LINC00632: variants seen among roughly 807,000 people sequenced by gnomAD.
The protein encoded by LINC00632 is ALDOA related specific transcript.
At chrX:140,726,618 A>G (rs145723895) in intron 2 of LINC00632, among the ~76,000 whole-genome samples, 218 of 111,637 alleles carry the variant, frequency 2.0e-3, no homozygotes, top group Non-Finnish European at 3.7e-3. Flanking sequence ...TGCCTAAGCA[A>G]TGCACAGAAT....
intron 3 of LINC00632, among the ~76,000 whole-genome samples, chrX:140,751,644 G>A (rs5907051): frequency 0.48 from 53,128 of 110,162 alleles, 9,517 homozygotes; most frequent in Middle Eastern, 0.55. Flanking sequence ...AGGGCCTCCT[G>A]AAGAGATTAA....
At chrX:140,728,931 C>T (rs959512332) in intron 2 of LINC00632, among the ~76,000 whole-genome samples, 5 of 110,863 alleles carry the variant, frequency 4.5e-5, no homozygotes, top group Non-Finnish European at 7.5e-5. Flanking sequence ...TAAAAATGTA[C>T]GTGACAATTC....
At chrX:140,788,841 A>ATC (rs1932061297) in exon 5 of LINC00632, among the ~76,000 whole-genome samples, 2 of 102,336 alleles carry the variant, frequency 2.0e-5, no homozygotes, top group Admixed American at 1.1e-4. Context: ...ACATATATGT[A>ATC]TATATGTATA....
At chrX:140,750,604 A>G in intron 3 of LINC00632, among the ~76,000 whole-genome samples, 1 of 111,200 alleles carries the variant, frequency 9.0e-6, no homozygotes, top group Admixed American at 9.6e-5. Context: ...ATTTTTAAAA[A>G]CCATGTCTAT....
chrX:140,731,845 C>A (rs780101538), intron 2 of LINC00632, among the ~76,000 whole-genome samples: 1 of 111,198 alleles, frequency 9.0e-6, no homozygotes, highest in East Asian at 2.8e-4. Context: ...ATATGTACAC[C>A]TAGACATGGC....
chrX:140,752,123 A>C (rs1014247202), intron 3 of LINC00632, among the ~76,000 whole-genome samples: 10 of 111,529 alleles, frequency 9.0e-5, no homozygotes, highest in African/African-American at 3.3e-4. Flanking sequence ...GCTTTTCCTC[A>C]ATTGGGCTGT....
chrX:140,736,690 C>G (rs1298611500), intron 3 of LINC00632, among the ~76,000 whole-genome samples: 2 of 108,870 alleles, frequency 1.8e-5, no homozygotes, highest in African/African-American at 6.7e-5. Flanking sequence ...CCATCTAGGC[C>G]TCCCAAAGTG....
chrX:140,771,978 C>G (rs942178302), intron 3 of LINC00632: 2 of 216,885 alleles, frequency 9.2e-6, no homozygotes, highest in Middle Eastern at 1.4e-3. Context: ...CCATGCCCGG[C>G]CCTGGCATAT....
chrX:140,787,631 C>CA (rs1932036931), exon 5 of LINC00632, among the ~76,000 whole-genome samples: 1 of 110,812 alleles, frequency 9.0e-6, no homozygotes, highest in South Asian at 3.7e-4. Flanking sequence ...TTCATCACAG[C>CA]AAAAAAATTA....
At chrX:140,752,671 A>G (rs1362558927) in intron 3 of LINC00632, among the ~76,000 whole-genome samples, 3 of 112,237 alleles carry the variant, frequency 2.7e-5, no homozygotes, top group African/African-American at 6.5e-5. Flanking sequence ...TAAAGAGAAA[A>G]CACTCTTGCT....
chrX:140,785,986 G>A (rs1275530434), exon 5 of LINC00632, among the ~76,000 whole-genome samples: 1 of 111,509 alleles, frequency 9.0e-6, no homozygotes, highest in South Asian at 3.8e-4. Flanking sequence ...ATCCCAGCAT[G>A]CTGATCTGGA....
At chrX:140,784,259 G>C (rs1931982747) in exon 5 of LINC00632, 16 of 1,205,130 alleles carry the variant, frequency 1.3e-5, no homozygotes, top group Non-Finnish European at 1.7e-5. Flanking sequence ...GCCTACTTGT[G>C]TCTTCCAACA....
At chrX:140,724,016 CACAG>C (rs774255203) in intron 2 of LINC00632, among the ~76,000 whole-genome samples, 5 of 55,864 alleles carry the variant, frequency 9.0e-5, no homozygotes, top group Admixed American at 2.3e-4. Context: ...CATACACACA[CACAG>C]ACACACATTC....
At chrX:140,757,821 C>T (rs1931520530) in intron 3 of LINC00632, among the ~76,000 whole-genome samples, 1 of 111,477 alleles carries the variant, frequency 9.0e-6, no homozygotes, top group African/African-American at 3.3e-5. Flanking sequence ...CCCATCTCGG[C>T]CTCCCAAAGT....
At chrX:140,759,236 A>G (rs887951880) in intron 3 of LINC00632, among the ~76,000 whole-genome samples, 2 of 107,290 alleles carry the variant, frequency 1.9e-5, no homozygotes, top group Admixed American at 9.9e-5. Context: ...GGCCTCCCAG[A>G]GTGCTGGGAT....
At chrX:140,776,492 TCTTC>T (rs1307292313) in exon 5 of LINC00632, among the ~76,000 whole-genome samples, 2 of 113,041 alleles carry the variant, frequency 1.8e-5, no homozygotes, top group Admixed American at 9.3e-5. Context: ...GCGCTGTCCC[TCTTC>T]CTTCCTTCCT....
chrX:140,720,867 G>A (rs778560757), intron 2 of LINC00632, among the ~76,000 whole-genome samples: 4 of 111,509 alleles, frequency 3.6e-5, no homozygotes, highest in Non-Finnish European at 5.6e-5. Flanking sequence ...CAAAACATGC[G>A]TAAAACCCCA....
exon 4 of LINC00632, chrX:140,772,427 ACT>A: frequency 6.8e-6 from 2 of 296,003 alleles, no homozygotes; most frequent in Non-Finnish European, 1.2e-5. Context: ...AATATTGTGT[ACT>A]CTCATTGATA....
chrX:140,771,318 A>G (rs1931786354), intron 3 of LINC00632, among the ~76,000 whole-genome samples: 1 of 109,321 alleles, frequency 9.1e-6, no homozygotes, highest in East Asian at 2.9e-4. Flanking sequence ...CGGAAAAAAT[A>G]TTTGCAATAT....
Sources: allele counts gnomAD v4.1 joint callset (sites outside exome capture counted in the v4.1 genomes callset), GRCh38; gene constraint gnomAD v4.1.1; transcripts MANE v1.5; gene names NCBI Gene and HGNC (gene_info 2026-07-23, HGNC 2026-07-21).